Variants in PCDH1 observed in about 807,000 individuals in gnomAD.
The protein encoded by PCDH1 is protocadherin-1.
Under a neutral mutation model 74.6 loss-of-function variants are expected in PCDH1, and 23 were observed. The ratio of observed to expected loss-of-function variants is 0.31; its 90% CI spans 0.22 to 0.44. The LOEUF (loss-of-function observed/expected upper bound fraction) is 0.44, where lower values mean the gene tolerates loss of function less well. Among genes scored for constraint, PCDH1 ranks in the 20% least tolerant of loss-of-function variants. The probability of loss-of-function intolerance (pLI) is 1.00; values close to 1 mark genes in which losing one functional copy is unlikely to be tolerated. For synonymous variants in PCDH1, 647 were observed against 686.1 expected (o/e 0.94, Z 0.89); for missense variants, 1,214 against 1,641.4 (o/e 0.74, Z 4.50).
chr5:141,861,413 G>A (rs985204132), intron 3 of PCDH1, among the ~76,000 whole-genome samples: 1 of 152,154 alleles, frequency 6.6e-6, no homozygotes, highest in Non-Finnish European at 1.5e-5. Context: ...GGATGGGTTA[G>A]GTTGGATTAG....
Position 141,863,391 on chromosome 5 carries a change from C to T in PCDH1, c.2940G>A (p.Leu980=). The part of the protein sequence containing the change: ...RSNSPLPSIQ[L]QPQSPSASKK... ...TGGAGGCTGAGGGTGACTGGGGCTG[C>T]AGCTGGATGGAAGGCAGTGGGGAGT... Residue 980 remains leucine (L), a synonymous_variant, in exon 3 of 5, where the codon CTG becomes CTA. Transcript: ENST00000287008. The surrounding 1 kb of genome is among the most constrained non-coding windows in gnomAD (Gnocchi z 7.5). The T allele has an allele frequency of 1.3e-6, 2 of 1,551,178 alleles. No homozygotes were observed. The highest frequency in any genetic ancestry group is 1.7e-6 in the Non-Finnish European group (2 of 1,147,228).
At chr5:141,866,807 G>A (rs574143426) in intron 2 of PCDH1, among the ~76,000 whole-genome samples, 4 of 152,262 alleles carry the variant, frequency 2.6e-5, no homozygotes, top group South Asian at 4.1e-4. Flanking sequence ...TAAAGAGCAT[G>A]TATTTCTTTT....
intron 1 of PCDH1, among the ~76,000 whole-genome samples, chr5:141,876,963 A>G (rs1250594155): frequency 1.3e-5 from 2 of 152,236 alleles, no homozygotes; most frequent in African/African-American, 4.8e-5. Flanking sequence ...TTGTTCCCGG[A>G]ACACCAGCCG....
chr5:141,875,383 T>TA (rs1329744263), intron 1 of PCDH1, among the ~76,000 whole-genome samples: 1 of 152,094 alleles, frequency 6.6e-6, no homozygotes, highest in African/African-American at 2.4e-5. Flanking sequence ...CCCTGGCAGA[T>TA]AAAAGGTGCT....
intron 1 of PCDH1, among the ~76,000 whole-genome samples, chr5:141,876,770 G>A (rs1753248133): frequency 6.6e-6 from 1 of 150,598 alleles, no homozygotes. Context: ...GACGAACCCA[G>A]GTGTGCGGGA....
Position 141,863,206 on chromosome 5 carries a change from G to A in PCDH1, c.3099+26C>T, listed in dbSNP as rs375272019. 40 of 1,559,700 alleles carry A rather than the reference G, an allele frequency of 2.6e-5. No individual in the cohort carries two copies. In the African/African-American group the frequency reaches 2.6e-4, roughly 10 times the overall value. On this transcript the variant is annotated intron_variant, in intron 3 of 4. Coordinates refer to ENST00000287008, the MANE Select transcript of PCDH1 (RefSeq NM_032420.5). This position sits in a 1 kb window ranked among gnomAD's most constrained non-coding sequence, Gnocchi z 7.5. ...GTAGGGGTGGGGTAGGGGCTGGGGTGTGCTGAGCTGAAAGGGCTGGCCTAC... is the reference window on the plus strand; with the variant it reads ...GTAGGGGTGGGGTAGGGGCTGGGGTATGCTGAGCTGAAAGGGCTGGCCTAC...
At chr5:141,856,309 AGGGGC>A in intron 4 of PCDH1, 1 of 667,700 alleles carries the variant, frequency 1.5e-6, no homozygotes, top group Non-Finnish European at 2.4e-6. Context: ...TCGCGCATGG[AGGGGC>A]GGGGTGGGGG....
In PCDH1 at chr5:141,864,957, C is replaced by G. The variant is rs1752754337; in HGVS notation, c.1374G>C (p.Leu458=). Residue 458 remains leucine (L), a synonymous_variant, in exon 3 of 5, where the codon CTG becomes CTC. Transcript: ENST00000287008. The surrounding 1 kb of genome is among the most constrained non-coding windows in gnomAD (Gnocchi z 5.9). Reference sequence around the variant, plus strand: ...CGTAGTCTAGCGGGGTGGTAGTCTGCAGGAAATACTTCTTCTTGCTGTCAC... The same window carrying G: ...CGTAGTCTAGCGGGGTGGTAGTCTGGAGGAAATACTTCTTCTTGCTGTCAC... ...TGSDSKKKYF[L]QTTTPLDYEK... is the part of the protein sequence containing the mutation. 6.2e-7 allele frequency: 1 copy of G among 1,613,994 alleles called. No individual in the cohort carries two copies. The highest frequency in any genetic ancestry group is 8.5e-7 in the Non-Finnish European group (1 of 1,180,048).
rs1434545897 is a variant in PCDH1 at position 141,857,452 on chromosome 5, G to T, written c.3119C>A (p.Thr1040Asn). ...CTGGGCCTGGCTGGTGGCCGAGAAG[G>T]TGACGCGGCGGTGAGGTAACTGCAG... is the stretch of plus-strand genomic sequence containing the variant. ...PSKQLPHRRV[T>N]FSATSQAQEL... is the part of the protein sequence containing the mutation. The change falls in exon 4 of 5, where the codon ACC (threonine) becomes AAC (asparagine). Residue 1040 changes from threonine to asparagine, a missense_variant. Coordinates refer to ENST00000287008, the MANE Select transcript of PCDH1 (RefSeq NM_032420.5). 6.2e-7 allele frequency: 1 copy of T among 1,613,820 alleles called. No homozygotes were observed. The highest frequency in any genetic ancestry group is 8.5e-7 in the Non-Finnish European group (1 of 1,179,876).
rs116071597 is a variant in PCDH1, at chr5:141,873,977, G to C, written c.40+4246C>G. Among the ~76,000 whole-genome samples, 740 of 152,308 alleles carry C rather than the reference G, an allele frequency of 4.9e-3. 8 individuals are homozygous for C. The highest frequency in any genetic ancestry group is 0.017 in the African/African-American group (709 of 41,558). On this transcript the variant is annotated intron_variant, in intron 1 of 4. Transcript: ENST00000287008. ...TAAACTGTCTTAAGTCACAGAAGTAGTATGTGGAAGAACCAGGACTTGAGA... is the reference window on the plus strand; with the variant it reads ...TAAACTGTCTTAAGTCACAGAAGTACTATGTGGAAGAACCAGGACTTGAGA...
At chr5:141,861,347 G>T (rs1752557873) in intron 3 of PCDH1, among the ~76,000 whole-genome samples, 1 of 152,144 alleles carries the variant, frequency 6.6e-6, no homozygotes, top group South Asian at 2.1e-4. Flanking sequence ...ATGACAACAG[G>T]TGGTGTGGTT....
chr5:141,863,187 G>A lies in PCDH1; in HGVS notation c.3099+45C>T, dbSNP rs759115426. 27 of 1,520,554 alleles carry A rather than the reference G, an allele frequency of 1.8e-5. No homozygotes were observed. Among genetic ancestry groups the A allele is most frequent in the Admixed American group, 2.1e-5 (1 of 47,164 alleles). 94.2% of individuals were successfully genotyped at this position (1,520,554 alleles called of 1,614,324 possible). On this transcript the variant is annotated intron_variant, in intron 3 of 4. Coordinates refer to ENST00000287008, the MANE Select transcript of PCDH1 (RefSeq NM_032420.5). This position sits in a 1 kb window ranked among gnomAD's most constrained non-coding sequence, Gnocchi z 7.5. The stretch of plus-strand genomic sequence containing the variant: ...CGGTCCAGATGGCTCCGTGGTAGGG[G>A]TGGGGTAGGGGCTGGGGTGTGCTGA...
chr5:141,857,568 A>G (rs1269973211), intron 3 of PCDH1, 97 bp from the exon 4 acceptor site: 4 of 952,594 alleles, frequency 4.2e-6, no homozygotes, highest in Non-Finnish European at 6.2e-6. Context: ...CATCCTACTC[A>G]GGCTTCAACA....
chr5:141,868,371 G>A lies in PCDH1; in HGVS notation c.903+198C>T. 4 of 1,344,942 alleles carry A rather than the reference G, an allele frequency of 3.0e-6. No individual in the cohort carries two copies. The highest frequency in any genetic ancestry group is 3.8e-6 in the Non-Finnish European group (4 of 1,049,142). The allele number at this position is 1,344,942 out of a possible 1,614,324, so 83.3% of individuals were successfully genotyped here. On this transcript the variant is annotated intron_variant, in intron 2 of 4. Transcript: ENST00000287008. This position sits in a 1 kb window ranked among gnomAD's most constrained non-coding sequence, Gnocchi z 4.8. ...CATATGCTATTTCACTGTCACCTAA[G>A]TAGCCTGATAGAGGAAAGTAATATC... is the stretch of plus-strand genomic sequence containing the variant.
chr5:141,869,476 A>G lies in PCDH1; in HGVS notation c.41-45T>C, dbSNP rs781238247. On this transcript the variant is annotated intron_variant, in intron 1 of 4. Coordinates refer to ENST00000287008, the MANE Select transcript of PCDH1 (RefSeq NM_032420.5). The surrounding 1 kb of genome is among the most constrained non-coding windows in gnomAD (Gnocchi z 4.9). Reference sequence around the variant, plus strand: ...AACAGAGGCCATGAGCTGGGAAGAAAAGCCTGGCCCTGAGCTGCCCAGAGC... The same window carrying G: ...AACAGAGGCCATGAGCTGGGAAGAAGAGCCTGGCCCTGAGCTGCCCAGAGC... The G allele has an allele frequency of 1.3e-6, 2 of 1,585,888 alleles. No homozygotes were observed. Among genetic ancestry groups the G allele is most frequent in the Admixed American group, 3.5e-5 (2 of 57,234 alleles).
Position 141,856,302 on chromosome 5 carries a change from C to T in PCDH1, c.3319+950G>A, listed in dbSNP as rs922153031. The T allele has an allele frequency of 1.5e-5, 23 of 1,486,144 alleles. No homozygotes were observed. In the Admixed American group the frequency reaches 2.2e-4, roughly 14 times the overall value. 92.1% of individuals were successfully genotyped at this position (1,486,144 alleles called of 1,614,324 possible). A position where few individuals can be genotyped will look rare whatever the true frequency, so the allele number is the denominator to read the frequency against. On this transcript the variant is annotated intron_variant, in intron 4 of 4. Transcript: ENST00000287008. ...AAAGGATGAGACGGGCATGAGATCG[C>T]GCATGGAGGGGCGGGGTGGGGGTGG...
chr5:141,869,551 A>G lies in PCDH1; in HGVS notation c.41-120T>C, dbSNP rs1753033278. The stretch of plus-strand genomic sequence containing the variant: ...CTGACACACGATTCTCCACAAGAGC[A>G]GTCAGTCCCAGCACAGAACCCCGAT... On this transcript the variant is annotated intron_variant, in intron 1 of 4. Coordinates refer to ENST00000287008, the MANE Select transcript of PCDH1 (RefSeq NM_032420.5). The surrounding 1 kb of genome is among the most constrained non-coding windows in gnomAD (Gnocchi z 4.9). The G allele has an allele frequency of 6.5e-7, 1 of 1,538,074 alleles. No homozygotes were observed. Among genetic ancestry groups the G allele is most frequent in the African/African-American group, 1.4e-5 (1 of 73,326 alleles).
chr5:141,864,477 G>A lies in PCDH1; in HGVS notation c.1854C>T (p.Asn618=). ...CTGGCATGTTCTCCATCACTGAGAA[G>A]TTGTAGCCACTCAGCATAAATTTGG... The part of the protein sequence containing the change: ...NDPKFMLSGY[N]FSVMENMPAL... The change falls in exon 3 of 5, where the codon AAC becomes AAT. Residue 618 remains asparagine (N), a synonymous_variant. Coordinates refer to ENST00000287008, the MANE Select transcript of PCDH1 (RefSeq NM_032420.5). The surrounding 1 kb of genome is among the most constrained non-coding windows in gnomAD (Gnocchi z 5.9). 1 of 1,614,174 alleles carries A rather than the reference G, an allele frequency of 6.2e-7. No homozygotes were observed. Among genetic ancestry groups the A allele is most frequent in the Non-Finnish European group, 8.5e-7 (1 of 1,180,036 alleles).
intron 3 of PCDH1, chr5:141,862,926 A>AC (rs898082139): frequency 8.1e-6 from 10 of 1,228,508 alleles, no homozygotes; most frequent in Non-Finnish European, 1.0e-5. Flanking sequence ...CCTGCCTACC[A>AC]CCCCCAACCC....
Sources: allele counts gnomAD v4.1 joint callset (sites outside exome capture counted in the v4.1 genomes callset), GRCh38; gene constraint gnomAD v4.1.1; non-coding constraint Gnocchi (gnomAD v3.1); transcripts MANE v1.5; gene names NCBI Gene and HGNC (gene_info 2026-07-23, HGNC 2026-07-21).